ANXA8: variants seen among roughly 807,000 people sequenced by gnomAD.
ANXA8 encodes the protein VAC-beta.
ANXA8 carries 9 observed loss-of-function variants against 26.8 expected under a neutral mutation model. The ratio of observed to expected loss-of-function variants is 0.34; its 90% CI spans 0.20 to 0.59. The LOEUF (loss-of-function observed/expected upper bound fraction) is 0.59, where lower values mean the gene tolerates loss of function less well. ANXA8 is among the 20% of genes least tolerant of loss of function. The probability of loss-of-function intolerance (pLI) is 0.84; values close to 1 mark genes in which losing one functional copy is unlikely to be tolerated. For synonymous variants in ANXA8, 39 were observed against 94.8 expected, an observed-to-expected ratio of 0.41 and a Z score of 3.42; for missense variants, 83 against 238.5, an observed-to-expected ratio of 0.35 and a Z score of 4.29.
chr10:47,657,878 A>G, the ANXA8 span, among the ~76,000 whole-genome samples: 1 of 151,502 alleles, frequency 6.6e-6, no homozygotes, highest in East Asian at 1.9e-4. Context: ...AGACCTATTT[A>G]TTGGCTCACT....
the ANXA8 span, among the ~76,000 whole-genome samples, chr10:47,648,065 T>TA: frequency 1.3e-5 from 2 of 151,912 alleles, no homozygotes; most frequent in Admixed American, 1.3e-4. Context: ...CTGCTGCTGT[T>TA]ACCTCTGAAG....
the ANXA8 span, among the ~76,000 whole-genome samples, chr10:47,670,691 C>G: frequency 6.6e-6 from 1 of 151,776 alleles, no homozygotes; most frequent in East Asian, 1.9e-4. Flanking sequence ...AAGTCCTTTG[C>G]CCACTTTAAA....
At chr10:47,576,551 C>T in the ANXA8 span, among the ~76,000 whole-genome samples, 5 of 149,426 alleles carry the variant, frequency 3.3e-5, no homozygotes, top group African/African-American at 7.4e-5. Context: ...GCAGCCTCTA[C>T]CTCCTAGGCT....
chr10:47,610,378 A>G, the ANXA8 span, among the ~76,000 whole-genome samples: 1 of 145,366 alleles, frequency 6.9e-6, no homozygotes, highest in African/African-American at 2.7e-5. Context: ...ATTAATGTAC[A>G]TTAGCGAGCT....
At chr10:47,549,166 A>G in the ANXA8 span, 7 of 620,186 alleles carry the variant, frequency 1.1e-5, no homozygotes, top group African/African-American at 1.9e-5. Context: ...CATCAATTCA[A>G]TCACATCTAC....
the ANXA8 span, among the ~76,000 whole-genome samples, chr10:47,720,407 A>G: frequency 1.4e-5 from 2 of 146,980 alleles, no homozygotes; most frequent in East Asian, 2.7e-4. Context: ...TTTAAAGGCT[A>G]AAAGTATCAT....
At chr10:47,529,124 A>C in the ANXA8 span, among the ~76,000 whole-genome samples, 2 of 144,712 alleles carry the variant, frequency 1.4e-5, no homozygotes, top group African/African-American at 5.0e-5. Context: ...CAATCTCTAA[A>C]GAAAGATTAG....
chr10:47,932,420 T>G, the ANXA8 span, among the ~76,000 whole-genome samples: 1 of 150,926 alleles, frequency 6.6e-6, no homozygotes, highest in Admixed American at 6.6e-5. Flanking sequence ...TATCGGCTCA[T>G]GGAATGGGGC....
the ANXA8 span, among the ~76,000 whole-genome samples, chr10:47,949,282 C>G: frequency 6.8e-6 from 1 of 148,104 alleles, no homozygotes; most frequent in Admixed American, 6.7e-5. Flanking sequence ...GTAAAGAGAG[C>G]ACTAATAGTC....
At chr10:47,741,316 G>A in the ANXA8 span, among the ~76,000 whole-genome samples, 1 of 46,144 alleles carries the variant, frequency 2.2e-5, no homozygotes, top group African/African-American at 7.9e-5. Context: ...ATAAAAATAC[G>A]TATGTAATCG....
chr10:47,675,922 A>AATTATG, the ANXA8 span, among the ~76,000 whole-genome samples: 1 of 151,644 alleles, frequency 6.6e-6, no homozygotes, highest in South Asian at 2.1e-4. Context: ...ATGCCAAAGA[A>AATTATG]CCAAGTTGAA....
the ANXA8 span, among the ~76,000 whole-genome samples, chr10:47,978,176 G>A: frequency 1.4e-4 from 21 of 152,124 alleles, no homozygotes; most frequent in African/African-American, 4.6e-4. Flanking sequence ...TAAAAGTATT[G>A]TAAGAAAATG....
the ANXA8 span, chr10:47,502,390 A>G: frequency 5.0e-6 from 8 of 1,609,728 alleles, no homozygotes; most frequent in Middle Eastern, 2.1e-4. Context: ...AGTGCAGGGT[A>G]GTGGGGCCAG....
chr10:47,557,106 A>G, the ANXA8 span, among the ~76,000 whole-genome samples: 3 of 126,788 alleles, frequency 2.4e-5, no homozygotes, highest in Non-Finnish European at 4.8e-5. Context: ...TCCTGGGTTC[A>G]AGCAATTCTC....
the ANXA8 span, among the ~76,000 whole-genome samples, chr10:47,647,670 GGCAACAAAAAA>G: frequency 6.7e-6 from 1 of 148,320 alleles, no homozygotes; most frequent in Non-Finnish European, 1.5e-5. Flanking sequence ...AACTAATGTG[GGCAACAAAAAA>G]GCATATAAAG....
the ANXA8 span, among the ~76,000 whole-genome samples, chr10:47,942,602 G>A: frequency 7.0e-6 from 1 of 142,876 alleles, no homozygotes; most frequent in African/African-American, 2.8e-5. Flanking sequence ...GTTTGGACAA[G>A]AGACTGGAGC....
the ANXA8 span, among the ~76,000 whole-genome samples, chr10:47,585,212 C>T: frequency 2.8e-5 from 3 of 108,884 alleles, no homozygotes; most frequent in Non-Finnish European, 5.1e-5. Context: ...TGCAGTGAAC[C>T]GAGATCGCAC....
the ANXA8 span, among the ~76,000 whole-genome samples, chr10:47,765,285 A>C: frequency 6.9e-6 from 1 of 144,614 alleles, no homozygotes; most frequent in Middle Eastern, 3.5e-3. Context: ...GGTGGCTTAC[A>C]TTTCCCCTTC....
the ANXA8 span, chr10:47,510,134 A>T: frequency 8.5e-7 from 1 of 1,180,302 alleles, no homozygotes; most frequent in Non-Finnish European, 1.1e-6. Flanking sequence ...ATTTCCGAAT[A>T]AAGGAATCTG....
Sources: allele counts gnomAD v4.1 joint callset (sites outside exome capture counted in the v4.1 genomes callset), GRCh38; gene constraint gnomAD v4.1.1; transcripts MANE v1.5; gene names NCBI Gene and HGNC (gene_info 2026-07-23, HGNC 2026-07-21).